Variants in TTC7B observed in about 807,000 individuals in gnomAD.
TTC7B encodes the protein tetratricopeptide repeat protein 7B.
Under a neutral mutation model 106.8 loss-of-function variants are expected in TTC7B, and 28 were observed. The observed-to-expected ratio is 0.26, with a 90% CI of 0.19 to 0.36. The LOEUF is 0.36. Ranked by LOEUF, TTC7B falls within the 10% of genes least tolerant of loss-of-function variation. The pLI, the probability that TTC7B is intolerant of heterozygous loss-of-function variation, is 1.00. For synonymous variants in TTC7B, 405 were observed against 430.6 expected (o/e 0.94, Z 0.74); for missense variants, 862 against 1,076.4 (o/e 0.80, Z 2.79).
Position 90,759,190 on chromosome 14 carries a change from C to T in TTC7B, c.446-14268G>A, listed in dbSNP as rs1890418270. On this transcript the variant is annotated intron_variant, in intron 3 of 19. Transcript: ENST00000328459. The surrounding 1 kb of genome is among the most constrained non-coding windows in gnomAD (Gnocchi z 4.1). ...CGCTCTGAGCCGCACATGACTCTCT[C>T]CTTCTCCACAGAACAATCTGTGTTC... Among the ~76,000 whole-genome samples, 6 of 152,258 alleles carry T rather than the reference C, an allele frequency of 3.9e-5. No individual in the cohort carries two copies. In the South Asian group the frequency reaches 1.0e-3, roughly 26 times the overall value.
chr14:90,736,487 A>T (rs1889533722), intron 4 of TTC7B, among the ~76,000 whole-genome samples: 1 of 151,872 alleles, frequency 6.6e-6, no homozygotes, highest in African/African-American at 2.4e-5. Context: ...CAGGAGAATC[A>T]CTTGAACCCA....
intron 17 of TTC7B, among the ~76,000 whole-genome samples, chr14:90,594,502 G>T (rs1485626193): frequency 6.6e-6 from 1 of 152,110 alleles, no homozygotes. Flanking sequence ...TGGAGATGTG[G>T]TTTTAGAATC....
chr14:90,777,616 T>G (rs1450656483), intron 3 of TTC7B, among the ~76,000 whole-genome samples: 2 of 152,146 alleles, frequency 1.3e-5, no homozygotes, highest in Non-Finnish European at 2.9e-5. Flanking sequence ...TAGAGCAGTG[T>G]GCACATAGCC....
intron 1 of TTC7B, among the ~76,000 whole-genome samples, chr14:90,800,884 C>G (rs555454897): frequency 3.3e-5 from 5 of 150,964 alleles, no homozygotes; most frequent in African/African-American, 1.2e-4. Flanking sequence ...AAACCTCTGG[C>G]TTTAAAGAAG....
At chr14:90,643,871 C>A (rs923189356) in intron 15 of TTC7B, among the ~76,000 whole-genome samples, 177 bp downstream of exon 15, 1 of 152,090 alleles carries the variant, frequency 6.6e-6, no homozygotes, top group Non-Finnish European at 1.5e-5. Context: ...ATGTGAGCCA[C>A]GGCGCCCAGC....
At chr14:90,631,895 A>T (rs1824167726) in intron 15 of TTC7B, among the ~76,000 whole-genome samples, 2 of 152,072 alleles carry the variant, frequency 1.3e-5, no homozygotes, top group Non-Finnish European at 2.9e-5. Context: ...TCATGTGCTT[A>T]TTGGCTATTT....
At chr14:90,640,547 C>T (rs1035709806) in intron 15 of TTC7B, among the ~76,000 whole-genome samples, 3 of 152,052 alleles carry the variant, frequency 2.0e-5, no homozygotes, top group Admixed American at 6.6e-5. Flanking sequence ...TTCTAAACTA[C>T]GAATAGGCAA....
At chr14:90,777,872 A>C (rs1004922337) in intron 3 of TTC7B, among the ~76,000 whole-genome samples, 1 of 152,206 alleles carries the variant, frequency 6.6e-6, no homozygotes, top group Non-Finnish European at 1.5e-5. Flanking sequence ...TTCAGCTGAC[A>C]TTTACGTTGC....
At chr14:90,651,897 G>C (rs1428388391) in intron 13 of TTC7B, among the ~76,000 whole-genome samples, 2 of 152,230 alleles carry the variant, frequency 1.3e-5, no homozygotes, top group African/African-American at 2.4e-5. Context: ...AACGAAGCTT[G>C]TCAGGTATTG....
chr14:90,558,065 C>T (rs770522433), intron 19 of TTC7B, among the ~76,000 whole-genome samples: 1 of 152,220 alleles, frequency 6.6e-6, no homozygotes, highest in Admixed American at 6.5e-5. Flanking sequence ...CGTCGGCACT[C>T]GATAGATGAG....
rs1890331985 is a variant in TTC7B at position 90,757,209 on chromosome 14, C to G, written c.446-12287G>C. 6.6e-6 allele frequency among the ~76,000 whole-genome samples: 1 copy of G among 152,190 alleles called. No individual in the cohort carries two copies. The highest frequency in any genetic ancestry group is 2.4e-5 in the African/African-American group (1 of 41,442). Reference sequence around the variant, plus strand: ...ACCCCGGAAAGCTCCCCTGAACCACCCCGTTCCCTCCACTCATGGACTTTT... The same window carrying G: ...ACCCCGGAAAGCTCCCCTGAACCACGCCGTTCCCTCCACTCATGGACTTTT... On this transcript the variant is annotated intron_variant, in intron 3 of 19. Transcript: ENST00000328459. This position sits in a 1 kb window ranked among gnomAD's most constrained non-coding sequence, Gnocchi z 4.1.
At chr14:90,803,208 C>T (rs1204204518) in intron 1 of TTC7B, among the ~76,000 whole-genome samples, 1 of 152,016 alleles carries the variant, frequency 6.6e-6, no homozygotes, top group Admixed American at 6.6e-5. Flanking sequence ...CCCCTCTAAA[C>T]CCTCCAGTGG....
chr14:90,654,145 T>C (rs1885847557), intron 12 of TTC7B, among the ~76,000 whole-genome samples: 1 of 152,070 alleles, frequency 6.6e-6, no homozygotes, highest in Non-Finnish European at 1.5e-5. Context: ...GCCAGGATAG[T>C]ATTTCCTCGT....
At chr14:90,641,923 G>GTT (rs1885189739) in intron 15 of TTC7B, among the ~76,000 whole-genome samples, 1 of 136,642 alleles carries the variant, frequency 7.3e-6, no homozygotes. Flanking sequence ...GAAAGAGCTT[G>GTT]TGTGTGTGTG....
chr14:90,602,971 C>A (rs903342862), intron 17 of TTC7B, among the ~76,000 whole-genome samples: 1 of 152,162 alleles, frequency 6.6e-6, no homozygotes, highest in Non-Finnish European at 1.5e-5. Context: ...TTCTCACCAC[C>A]CACTGCACAC....
At chr14:90,722,488 C>G (rs921770353) in intron 5 of TTC7B, among the ~76,000 whole-genome samples, 2 of 152,202 alleles carry the variant, frequency 1.3e-5, no homozygotes, top group Admixed American at 1.3e-4. Context: ...AATGAATTCC[C>G]TATTCCTTAG....
At chr14:90,636,427 TAAAA>T (rs71117365) in intron 15 of TTC7B, among the ~76,000 whole-genome samples, 6 of 99,872 alleles carry the variant, frequency 6.0e-5, no homozygotes, top group East Asian at 2.9e-4. Context: ...AACGATGTGG[TAAAA>T]AAAAAAAAAA....
intron 17 of TTC7B, among the ~76,000 whole-genome samples, chr14:90,603,811 C>A (rs1892528714): frequency 6.6e-6 from 1 of 152,140 alleles, no homozygotes; most frequent in Admixed American, 6.5e-5. Context: ...AGAAATTCTG[C>A]ATTTGTCAGT....
intron 19 of TTC7B, among the ~76,000 whole-genome samples, chr14:90,559,238 G>A (rs972872862): frequency 1.3e-5 from 2 of 152,240 alleles, no homozygotes; most frequent in African/African-American, 2.4e-5. Flanking sequence ...GAAGCCAGAA[G>A]CCCTTGCAGG....
Sources: gnomAD v4.1 joint callset for allele counts (sites outside exome capture counted in the v4.1 genomes callset) on GRCh38, gnomAD v4.1.1 for gene constraint, Gnocchi (gnomAD v3.1) non-coding constraint, MANE v1.5 for transcripts, NCBI Gene and HGNC (gene_info 2026-07-23, HGNC 2026-07-21) for gene names.